The following MAF variants were observed in gnomAD, a reference collection of about 807,000 sequenced individuals.
MAF encodes the protein transcription factor Maf.
Under a neutral mutation model 22.0 loss-of-function variants are expected in MAF, and 10 were observed. The ratio of observed to expected loss-of-function variants is 0.45; its 90% CI spans 0.28 to 0.77. The LOEUF is 0.77. Ranked by LOEUF, MAF falls within the 30% of genes least tolerant of loss-of-function variation. The probability of loss-of-function intolerance (pLI) is 0.12; values close to 1 mark genes in which losing one functional copy is unlikely to be tolerated. For synonymous variants in MAF, 337 were observed against 255.8 expected (o/e 1.32, Z -3.03); for missense variants, 544 against 548.4 (o/e 0.99, Z 0.08).
At chr16:79,247,793 T>C in the MAF span, among the ~76,000 whole-genome samples, 1 of 152,152 alleles carries the variant, frequency 6.6e-6, no homozygotes, top group Non-Finnish European at 1.5e-5. Context: ...AAATATGTAA[T>C]GAATAAAATG....
chr16:79,211,832 C>CTG, the MAF span: 7 of 1,612,674 alleles, frequency 4.3e-6, no homozygotes, highest in African/African-American at 5.3e-5. Context: ...CACACCCGCC[C>CTG]TGTGTGTGTC....
chr16:79,464,415 A>C, the MAF span, among the ~76,000 whole-genome samples: 2 of 152,108 alleles, frequency 1.3e-5, no homozygotes, highest in Non-Finnish European at 2.9e-5. Flanking sequence ...AGAATATATG[A>C]TGGGCTGTCC....
At chr16:79,472,807 G>T in the MAF span, among the ~76,000 whole-genome samples, 1 of 151,924 alleles carries the variant, frequency 6.6e-6, no homozygotes, top group Non-Finnish European at 1.5e-5. Context: ...TGTTAGAAAA[G>T]AAGGAAAGAA....
chr16:79,393,240 T>G, the MAF span, among the ~76,000 whole-genome samples: 267 of 152,198 alleles, frequency 1.8e-3, 2 homozygotes, highest in African/African-American at 5.8e-3. Context: ...GCTTCCACAA[T>G]TCCTGGGCTG....
the MAF span, among the ~76,000 whole-genome samples, chr16:79,500,285 A>G: frequency 6.6e-6 from 1 of 152,232 alleles, no homozygotes; most frequent in East Asian, 1.9e-4. Flanking sequence ...ACAGTGAACA[A>G]TAATCCCATC....
At chr16:79,568,812 T>A in the MAF span, among the ~76,000 whole-genome samples, 1 of 152,192 alleles carries the variant, frequency 6.6e-6, no homozygotes. Flanking sequence ...TGTAAACATC[T>A]AACAGAAATG....
the MAF span, among the ~76,000 whole-genome samples, chr16:79,441,728 G>A: frequency 6.6e-6 from 1 of 152,234 alleles, no homozygotes; most frequent in Non-Finnish European, 1.5e-5. Context: ...TCCATAGCAA[G>A]AAGAAAGATG....
the MAF span, among the ~76,000 whole-genome samples, chr16:79,460,547 C>A: frequency 6.6e-6 from 1 of 152,056 alleles, no homozygotes. Flanking sequence ...AAGCCAGTAG[C>A]CTCTCTCCCT....
the MAF span, among the ~76,000 whole-genome samples, chr16:79,209,485 G>A: frequency 6.6e-6 from 1 of 152,210 alleles, no homozygotes; most frequent in African/African-American, 2.4e-5. Flanking sequence ...ACGTTTGAAT[G>A]CTGAATAGTA....
chr16:79,261,453 G>T, the MAF span, among the ~76,000 whole-genome samples: 1 of 152,156 alleles, frequency 6.6e-6, no homozygotes, highest in African/African-American at 2.4e-5. Context: ...ACGCCTGGCT[G>T]GTCTTCTTTT....
the MAF span, among the ~76,000 whole-genome samples, chr16:79,415,833 T>C: frequency 6.6e-5 from 10 of 151,972 alleles, no homozygotes; most frequent in African/African-American, 2.4e-4. Context: ...TGTAAAACAA[T>C]GGCAACTCTC....
chr16:79,423,987 C>T, the MAF span, among the ~76,000 whole-genome samples: 1 of 152,150 alleles, frequency 6.6e-6, no homozygotes, highest in African/African-American at 2.4e-5. Context: ...TAGCCTGCTA[C>T]AACACAATAA....
downstream of MAF, among the ~76,000 whole-genome samples, chr16:79,582,279 C>T (rs1912567409): frequency 3.3e-5 from 5 of 152,134 alleles, no homozygotes; most frequent in South Asian, 1.0e-3. Flanking sequence ...CTGTGAACGG[C>T]GGCAGTAAAT....
chr16:79,447,905 A>AACAAAAAAG, the MAF span, among the ~76,000 whole-genome samples: 1 of 85,808 alleles, frequency 1.2e-5, no homozygotes, highest in Non-Finnish European at 2.1e-5. Flanking sequence ...AAAAAAAAAA[A>AACAAAAAAG]AAAAGAAAAG....
the MAF span, among the ~76,000 whole-genome samples, chr16:79,298,102 G>T: frequency 6.6e-6 from 1 of 152,366 alleles, no homozygotes; most frequent in South Asian, 2.1e-4. Flanking sequence ...TATACCAAGG[G>T]CCGGGTGCCA....
chr16:79,285,491 G>A, the MAF span, among the ~76,000 whole-genome samples: 2 of 152,154 alleles, frequency 1.3e-5, no homozygotes, highest in Admixed American at 1.3e-4. Flanking sequence ...CTACATCAGA[G>A]TCCCCTAGGT....
At chr16:79,570,009 TTC>T in the MAF span, among the ~76,000 whole-genome samples, 3 of 125,548 alleles carry the variant, frequency 2.4e-5, no homozygotes, top group East Asian at 6.3e-4. Flanking sequence ...CCTGTCTTTG[TTC>T]TTTTTTTTTT....
the MAF span, among the ~76,000 whole-genome samples, chr16:79,360,708 C>T: frequency 3.9e-5 from 6 of 152,168 alleles, no homozygotes; most frequent in East Asian, 1.2e-3. Context: ...TTTCTGCTTG[C>T]TCTGCAAGTG....
the MAF span, among the ~76,000 whole-genome samples, chr16:79,502,749 A>G: frequency 1.7e-5 from 2 of 120,570 alleles, no homozygotes; most frequent in Non-Finnish European, 3.3e-5. Flanking sequence ...ATATATATAT[A>G]TATATAAAGA....
Sources: allele counts gnomAD v4.1 joint callset (sites outside exome capture counted in the v4.1 genomes callset), GRCh38; gene constraint gnomAD v4.1.1; transcripts MANE v1.5; gene names NCBI Gene and HGNC (gene_info 2026-07-23, HGNC 2026-07-21).